RIT1: variants seen among roughly 807,000 people sequenced by gnomAD.
The protein encoded by RIT1 is GTP-binding protein Rit1.
Under a neutral mutation model 25.6 loss-of-function variants are expected in RIT1, and 6 were observed. The observed-to-expected ratio is 0.23, with a 90% CI of 0.13 to 0.46. The LOEUF is 0.46. Among genes scored for constraint, RIT1 ranks in the 20% least tolerant of loss-of-function variants. The pLI is 0.99. For synonymous variants in RIT1, 81 were observed against 94.1 expected (o/e 0.86, Z 0.80); for missense variants, 219 against 284.4 (o/e 0.77, Z 1.65).
intron 1 of RIT1, 148 bp downstream of exon 1, chr1:155,911,095 T>A: frequency 1.6e-6 from 1 of 641,784 alleles, no homozygotes; most frequent in Non-Finnish European, 2.6e-6. Flanking sequence ...AAGGAGAAAG[T>A]TTTGGGAAGA....
intron 5 of RIT1, among the ~76,000 whole-genome samples, chr1:155,903,079 C>T (rs1409499000): frequency 1.3e-5 from 2 of 151,676 alleles, no homozygotes; most frequent in African/African-American, 4.8e-5. Context: ...AGGCTGATCA[C>T]GAGGTCAGGA....
At chr1:155,904,201 T>C in intron 5 of RIT1, 110 bp downstream of exon 5, 1 of 845,414 alleles carries the variant, frequency 1.2e-6, no homozygotes. Flanking sequence ...AGCCTGATTT[T>C]CTATTTTAAG....
chr1:155,910,534 C>G, intron 2 of RIT1, 28 bp from the exon 3 acceptor site: 3 of 1,613,152 alleles, frequency 1.9e-6, no homozygotes, highest in Non-Finnish European at 2.5e-6. Flanking sequence ...AAAGTCAAAT[C>G]CTCACAAAGG....
intron 3 of RIT1, 33 bp from the exon 4 acceptor site, chr1:155,904,837 C>A: frequency 7.0e-7 from 1 of 1,437,310 alleles, no homozygotes; most frequent in South Asian, 1.1e-5. Context: ...ACTATAAAGT[C>A]ATAAATGCCG....
intron 3 of RIT1, among the ~76,000 whole-genome samples, chr1:155,909,219 C>CA (rs1175331750): frequency 1.1e-4 from 16 of 150,676 alleles, no homozygotes; most frequent in South Asian, 2.1e-4. Flanking sequence ...ACTAAAAATA[C>CA]AAAAAAAAAT....
At chr1:155,905,831 A>AT (rs1357777893) in intron 3 of RIT1, among the ~76,000 whole-genome samples, 1,495 of 144,292 alleles carry the variant, frequency 0.01, 21 homozygotes, top group African/African-American at 0.031. Context: ...ATAATTCACT[A>AT]TTTTTTTTTT....
In RIT1 at chr1:155,900,419, G is replaced by A; in HGVS notation, c.629C>T (p.Pro210Leu). 2 of 1,613,936 alleles carry A rather than the reference G, an allele frequency of 1.2e-6. No individual in the cohort carries two copies. The highest frequency in any genetic ancestry group is 1.7e-6 in the Non-Finnish European group (2 of 1,179,860). The change falls in exon 6 of 6, where the codon CCA becomes CTA. Residue 210 changes from proline (P) to leucine (L), a missense_variant. Around this residue, in one of 3 missense-constraint regions of RIT1, gnomAD observed 81 missense variants for 83.8 expected, o/e 0.97. Coordinates refer to ENST00000368323, the MANE Select transcript of RIT1 (RefSeq NM_006912.6). ...TACTGAATCTTTCTTCTTCCGGAAT[G>A]GTGATTTTAGCCTCTTCCATACACT... ...KNSVWKRLKS[P>L]FRKKKDSVT is the part of the protein sequence containing the mutation.
At chr1:155,909,798 T>C (rs1673544667) in intron 3 of RIT1, among the ~76,000 whole-genome samples, 1 of 151,888 alleles carries the variant, frequency 6.6e-6, no homozygotes, top group African/African-American at 2.4e-5. Flanking sequence ...GGCAGATGCC[T>C]GTAATCCCAG....
Position 155,904,500 on chromosome 1 carries a change from T to C in RIT1, c.240A>G (p.Ala80=). The C allele has an allele frequency of 1.2e-6, 2 of 1,610,062 alleles. No homozygotes were observed. The highest frequency in any genetic ancestry group is 1.1e-5 in the South Asian group (1 of 91,010). The stretch of plus-strand genomic sequence containing the variant: ...ACTGGTCCCGCATGGCTGTAAACTC[T>C]GCCTAGAGGGAAACAAGGGTCATTA... The part of the protein sequence containing the change: ...NLDILDTAGQ[A]EFTAMRDQYM... The change falls in exon 5 of 6, where the codon GCA becomes GCG. Residue 80 remains alanine (A), a splice_region_variant and synonymous_variant. Coordinates refer to ENST00000368323, the MANE Select transcript of RIT1 (RefSeq NM_006912.6).
At chr1:155,906,634 G>A (rs912437948) in intron 3 of RIT1, among the ~76,000 whole-genome samples, 2 of 151,616 alleles carry the variant, frequency 1.3e-5, no homozygotes, top group South Asian at 2.1e-4. Context: ...GGTCACAGGC[G>A]CCTGTAATCC....
chr1:155,909,356 C>T, intron 3 of RIT1, among the ~76,000 whole-genome samples: 1 of 149,402 alleles, frequency 6.7e-6, no homozygotes, highest in Non-Finnish European at 1.5e-5. Flanking sequence ...CCAGCCCGGG[C>T]AACAGGGTGA....
At chr1:155,903,597 G>C (rs986999262) in intron 5 of RIT1, among the ~76,000 whole-genome samples, 1 of 152,040 alleles carries the variant, frequency 6.6e-6, no homozygotes, top group Non-Finnish European at 1.5e-5. Context: ...TGGACAGCTA[G>C]ATTGTTTCTC....
At chr1:155,910,943 C>G (rs1673584427) in intron 1 of RIT1, 139 bp from the exon 2 acceptor site, 15 of 1,510,054 alleles carry the variant, frequency 9.9e-6, no homozygotes, top group Non-Finnish European at 1.3e-5. Flanking sequence ...CCACTGCACC[C>G]TTTCGGGTGG....
chr1:155,898,523 A>ATG lies in RIT1; in HGVS notation c.*1864_*1865insCA, dbSNP rs1673239671. On this transcript the variant is annotated 3_prime_UTR_variant, in exon 6 of 6. Coordinates refer to ENST00000368323, the MANE Select transcript of RIT1 (RefSeq NM_006912.6). ...AAAAAAAAAAAAAAAAAAAAAATAT[A>ATG]TATATATATATATATATATATCTCT... is the stretch of plus-strand genomic sequence containing the variant. The ATG allele has an allele frequency of 9.5e-6, 1 of 104,790 alleles. No homozygotes were observed. The highest frequency in any genetic ancestry group is 1.9e-5 in the Non-Finnish European group (1 of 53,582). The allele number at this position is 104,790 out of a possible 1,614,324, so 6.5% of individuals were successfully genotyped here.
rs773931858 is a variant in RIT1, at chr1:155,910,728, A to C, written c.34T>G (p.Cys12Gly). Residue 12 changes from cysteine to glycine, a missense_variant, in exon 2 of 6, where the codon TGT becomes GGT. Cys to Gly is a radical substitution (Grantham distance 159, BLOSUM62 -3). This residue lies in a region of RIT1 where 131 missense variants were observed against 173.6 expected (regional missense o/e 0.75). Transcript: ENST00000368323. ...CGTGAGAGCCCAGCGGGGCTGCTAC[A>C]GCAGCTACCAACTGGGCGAGTTCCA... The part of the protein sequence containing the change: ...DSGTRPVGSC[C>G]SSPAGLSREY... The C allele has an allele frequency of 1.2e-6, 2 of 1,614,158 alleles. No homozygotes were observed. Among genetic ancestry groups the C allele is most frequent in the Admixed American group, 3.3e-5 (2 of 60,016 alleles).
intron 2 of RIT1, 57 bp downstream of exon 2, chr1:155,910,599 C>G: frequency 1.9e-6 from 3 of 1,608,440 alleles, no homozygotes; most frequent in Non-Finnish European, 2.6e-6. Flanking sequence ...AGTATCCCAT[C>G]TGGTCATTTA....
At chr1:155,901,045 C>A (rs553163312) in intron 5 of RIT1, among the ~76,000 whole-genome samples, 1 of 152,198 alleles carries the variant, frequency 6.6e-6, no homozygotes, top group East Asian at 1.9e-4. Flanking sequence ...AAACTCCTGA[C>A]CTCAGGTGAT....
intron 3 of RIT1, among the ~76,000 whole-genome samples, chr1:155,908,915 C>T (rs1673515775): frequency 1.3e-5 from 2 of 151,948 alleles, no homozygotes; most frequent in Non-Finnish European, 2.9e-5. Flanking sequence ...AAAGTCAAGA[C>T]TTTTTCTATT....
chr1:155,904,643 T>G lies in RIT1; in HGVS notation c.237+88A>C, dbSNP rs766105622. The G allele has an allele frequency of 1.3e-5, 16 of 1,225,036 alleles. No individual in the cohort carries two copies. In the Admixed American group the frequency reaches 2.0e-4, roughly 15 times the overall value. 75.9% of individuals were successfully genotyped at this position (1,225,036 alleles called of 1,614,324 possible). ...AGAGTGCATGAAAAATTAAGAGAGA[T>G]AAACTATTGATCTTCTCTGTGTAGG... On this transcript the variant is annotated intron_variant, in intron 4 of 5. Transcript: ENST00000368323.
Sources: gnomAD v4.1 joint callset for allele counts (sites outside exome capture counted in the v4.1 genomes callset) on GRCh38, gnomAD v4.1.1 for gene constraint, gnomAD v4.1.1 regional missense constraint, MANE v1.5 for transcripts, NCBI Gene and HGNC (gene_info 2026-07-23, HGNC 2026-07-21) for gene names.